MEI4: variants seen among roughly 807,000 people sequenced by gnomAD.
MEI4 encodes the protein meiotic double-stranded break formation protein 4.
Under a neutral mutation model 31.4 loss-of-function variants are expected in MEI4, and 27 were observed. That is an observed-to-expected ratio of 0.86 (90% CI 0.63 to 1.19). MEI4 has a LOEUF of 1.19. MEI4 is among the 50% of genes most tolerant of loss of function. The pLI, the probability that MEI4 is intolerant of heterozygous loss-of-function variation, is 0.00. For missense variants in MEI4, 329 were observed against 398.9 expected, an observed-to-expected ratio of 0.82 and a Z score of 1.49; for synonymous variants, 122 against 145.4, an observed-to-expected ratio of 0.84 and a Z score of 1.16.
intron 3 of MEI4, among the ~76,000 whole-genome samples, chr6:77,790,467 A>G (rs554275505): frequency 2.0e-5 from 3 of 152,116 alleles, no homozygotes; most frequent in African/African-American, 4.8e-5. Context: ...AGTGTTTACT[A>G]TTTGGGTGAT....
intron 1 of MEI4, among the ~76,000 whole-genome samples, chr6:77,687,244 AC>A (rs896053300): frequency 3.5e-4 from 53 of 152,094 alleles, no homozygotes; most frequent in African/African-American, 1.2e-3. Flanking sequence ...TATACTTTAA[AC>A]TATTAAGAAT....
intron 2 of MEI4, among the ~76,000 whole-genome samples, chr6:77,757,453 T>C (rs1767943802): frequency 6.6e-6 from 1 of 152,206 alleles, no homozygotes; most frequent in Admixed American, 6.5e-5. Context: ...GTGGTCAATG[T>C]TGTGTATTCC....
At chr6:77,803,903 A>T (rs1276206488) in intron 3 of MEI4, among the ~76,000 whole-genome samples, 1 of 152,162 alleles carries the variant, frequency 6.6e-6, no homozygotes, top group Non-Finnish European at 1.5e-5. Flanking sequence ...CCTCCCAGTT[A>T]GGCTACTCAG....
At chr6:77,893,988 T>A (rs1766024091) in intron 4 of MEI4, among the ~76,000 whole-genome samples, 1 of 152,142 alleles carries the variant, frequency 6.6e-6, no homozygotes, top group Admixed American at 6.5e-5. Flanking sequence ...AAATTATTTT[T>A]AAAAAAGAAA....
intron 3 of MEI4, among the ~76,000 whole-genome samples, chr6:77,826,469 T>G (rs982797948): frequency 1.3e-5 from 2 of 152,184 alleles, no homozygotes; most frequent in African/African-American, 4.8e-5. Context: ...TTTCCCAACT[T>G]AGATCAGCTG....
At chr6:77,737,349 T>A (rs1196828193) in intron 2 of MEI4, among the ~76,000 whole-genome samples, 2 of 152,192 alleles carry the variant, frequency 1.3e-5, no homozygotes, top group Non-Finnish European at 2.9e-5. Flanking sequence ...TTACATGTAA[T>A]TACTTTGGCA....
chr6:77,789,919 G>A (rs1394258166), intron 3 of MEI4, among the ~76,000 whole-genome samples: 1 of 151,970 alleles, frequency 6.6e-6, no homozygotes, highest in Non-Finnish European at 1.5e-5. Flanking sequence ...ATACCCAAAG[G>A]ACTATAAATC....
At chr6:77,806,656 C>G (rs767427812) in intron 3 of MEI4, among the ~76,000 whole-genome samples, 1 of 152,198 alleles carries the variant, frequency 6.6e-6, no homozygotes, top group East Asian at 1.9e-4. Flanking sequence ...TGGAGTTGTG[C>G]AGGAAATACA....
chr6:77,893,585 G>A (rs1056314212), intron 4 of MEI4, among the ~76,000 whole-genome samples: 2 of 152,146 alleles, frequency 1.3e-5, no homozygotes, highest in African/African-American at 2.4e-5. Flanking sequence ...TTTGTTGATT[G>A]TTATGTAATT....
intron 4 of MEI4, among the ~76,000 whole-genome samples, chr6:77,890,709 GA>G (rs1424369564): frequency 2.0e-5 from 3 of 152,164 alleles, no homozygotes; most frequent in African/African-American, 7.2e-5. Flanking sequence ...ATCTAATCCT[GA>G]ATTATAGTTC....
chr6:77,804,900 T>G (rs1002945620), intron 3 of MEI4, among the ~76,000 whole-genome samples: 8 of 152,206 alleles, frequency 5.3e-5, no homozygotes, highest in Non-Finnish European at 1.2e-4. Flanking sequence ...TGCTTATAAA[T>G]GTCATGATTT....
chr6:77,775,383 G>A (rs1410342527), intron 3 of MEI4, among the ~76,000 whole-genome samples: 3 of 151,612 alleles, frequency 2.0e-5, no homozygotes, highest in South Asian at 2.1e-4. Flanking sequence ...TCATTCTTAC[G>A]CCTTTGCGTC....
At chr6:77,670,531 C>G (rs1768718422) in intron 1 of MEI4, among the ~76,000 whole-genome samples, 1 of 152,106 alleles carries the variant, frequency 6.6e-6, no homozygotes, top group South Asian at 2.1e-4. Flanking sequence ...TAATGGCAAT[C>G]CTAATACACA....
chr6:77,906,760 G>T (rs1766305458), intron 4 of MEI4, among the ~76,000 whole-genome samples: 2 of 152,160 alleles, frequency 1.3e-5, no homozygotes, highest in Non-Finnish European at 2.9e-5. Context: ...TAGGGCACAG[G>T]TGCATCCATT....
At chr6:77,758,733 A>G (rs1767971658) in intron 2 of MEI4, among the ~76,000 whole-genome samples, 1 of 152,106 alleles carries the variant, frequency 6.6e-6, no homozygotes, top group African/African-American at 2.4e-5. Context: ...CTCCAGGGCC[A>G]TGTCTCACCT....
chr6:77,744,303 C>A lies in MEI4; in HGVS notation c.233-16827C>A, dbSNP rs796893656. ...GCTGATGGAGCTGAAAGCCAAGGCT[C>A]GAGAACTACGTGAAGAATGCAGAAG... On this transcript the variant is annotated intron_variant, in intron 2 of 4. Transcript: ENST00000684080. 6.2e-4 allele frequency among the ~76,000 whole-genome samples: 94 copies of A among 151,742 alleles called. 3 individuals are homozygous for A. Among genetic ancestry groups the A allele is most frequent in the African/African-American group, 2.0e-3 (81 of 41,428 alleles).
In MEI4 at chr6:77,692,852, A is replaced by G. The variant is rs533849313; in HGVS notation, c.232+1949A>G. On this transcript the variant is annotated intron_variant, in intron 2 of 4. Transcript: ENST00000684080. ...GATTACCTAGAAGGAAGGTGGAAGT[A>G]TGGTCAGAGAGGATGAGCATGCTAG... 2.0e-4 allele frequency among the ~76,000 whole-genome samples: 31 copies of G among 152,164 alleles called. 1 individual carries two copies. The highest frequency in any genetic ancestry group is 2.0e-3 in the Admixed American group (30 of 15,260).
intron 4 of MEI4, among the ~76,000 whole-genome samples, chr6:77,862,632 A>G (rs2127721700): frequency 6.6e-6 from 1 of 152,304 alleles, no homozygotes; most frequent in East Asian, 1.9e-4. Context: ...CTGCCTCTGT[A>G]GACTCCACCT....
chr6:77,670,182 CT>C (rs1183195574), intron 1 of MEI4, among the ~76,000 whole-genome samples: 4 of 152,054 alleles, frequency 2.6e-5, no homozygotes, highest in Non-Finnish European at 5.9e-5. Flanking sequence ...GGTTTGACTT[CT>C]GCTTTCGGAG....
Sources: allele counts gnomAD v4.1 joint callset (sites outside exome capture counted in the v4.1 genomes callset), GRCh38; gene constraint gnomAD v4.1.1; transcripts MANE v1.5; gene names NCBI Gene and HGNC (gene_info 2026-07-23, HGNC 2026-07-21).